Variants in C6orf118 observed in about 807,000 individuals in gnomAD.
C6orf118 encodes uncharacterized protein C6orf118.
C6orf118 carries 50 observed loss-of-function variants against 50.2 expected under a neutral mutation model. The ratio of observed to expected loss-of-function variants is 1.00; its 90% CI spans 0.79 to 1.26. C6orf118 has a LOEUF of 1.26. Among genes scored for constraint, C6orf118 ranks in the 50% most tolerant of loss-of-function variants. C6orf118 has a pLI of 0.00. For synonymous variants in C6orf118, 239 were observed against 230.9 expected (o/e 1.03, Z -0.32); for missense variants, 641 against 578.7 (o/e 1.11, Z -1.10).
At chr6:165,290,741 A>G (rs1780078875) in intron 6 of C6orf118, among the ~76,000 whole-genome samples, 2 of 152,212 alleles carry the variant, frequency 1.3e-5, no homozygotes, top group African/African-American at 4.8e-5. Context: ...GCACAAGACT[A>G]GAATCAGAAA....
At position 165,302,229 on chromosome 6, in the gene C6orf118, C is replaced by G; in HGVS notation, c.93G>C (p.Glu31Asp). The change falls in exon 2 of 9, where the codon GAG (glutamate) becomes GAC (aspartate). Residue 31 changes from glutamate to aspartate, a missense_variant. Physicochemically the swap from Glu to Asp is conservative, Grantham distance 45. Coordinates refer to ENST00000230301, the MANE Select transcript of C6orf118 (RefSeq NM_144980.4). ...TACACAGGGTCTTCACTCCTGGCGT[C>G]TCGCAGTGCTTCAGATTACACAGGG... ...VKTLCNLKHC[E>D]TPGVKTLCNL... 3.1e-6 allele frequency: 5 copies of G among 1,613,954 alleles called. No homozygotes were observed. Among genetic ancestry groups the G allele is most frequent in the Non-Finnish European group, 4.2e-6 (5 of 1,179,914 alleles).
intron 3 of C6orf118, 148 bp downstream of exon 3, chr6:165,300,216 G>C (rs550959365): frequency 2.4e-6 from 2 of 833,002 alleles, no homozygotes; most frequent in East Asian, 5.4e-5. Context: ...GCAGGCAGAT[G>C]ACCTCGAGTC....
intron 7 of C6orf118, among the ~76,000 whole-genome samples, chr6:165,289,567 C>T (rs1682545760): frequency 6.6e-6 from 1 of 152,132 alleles, no homozygotes; most frequent in Admixed American, 6.6e-5. Context: ...TATTTCATCC[C>T]TCATCCCCCT....
At position 165,301,742 on chromosome 6, in the gene C6orf118, C is replaced by T; in HGVS notation, c.580G>A (p.Gly194Ser). The change falls in exon 2 of 9, where the codon GGC (glycine) becomes AGC (serine). Residue 194 changes from glycine (G) to serine (S), a missense_variant. Physicochemically the swap from Gly to Ser is moderately conservative, Grantham distance 56 (BLOSUM62 0). Transcript: ENST00000230301. ...VLCYQEAGSRGTRDRHHYVSS... is the reference protein window; with the variant it reads ...VLCYQEAGSRSTRDRHHYVSS... ...ACATAGTGGTGCCGGTCCCTGGTGC[C>T]TCTGGACCCGGCCTCCTGGTAGCAC... 2 of 1,614,166 alleles carry T rather than the reference C, an allele frequency of 1.2e-6. No homozygotes were observed. Among genetic ancestry groups the T allele is most frequent in the Non-Finnish European group, 1.7e-6 (2 of 1,180,028 alleles).
chr6:165,279,961 A>G lies in C6orf118; in HGVS notation c.*96T>C. 1.6e-6 allele frequency: 2 copies of G among 1,230,348 alleles called. No homozygotes were observed. The highest frequency in any genetic ancestry group is 2.0e-4 in the Middle Eastern group (1 of 5,026). The allele number at this position is 1,230,348 out of a possible 1,614,324, so 76.2% of individuals were successfully genotyped here. ...TAGAGATTAAAGCTGATGAAATGAAATGTATCTTTATGAATGTATATGCAT... is the reference window on the plus strand; with the variant it reads ...TAGAGATTAAAGCTGATGAAATGAAGTGTATCTTTATGAATGTATATGCAT... On this transcript the variant is annotated 3_prime_UTR_variant, in exon 9 of 9. Transcript: ENST00000230301.
At chr6:165,285,672 G>A (rs1265529980) in intron 7 of C6orf118, among the ~76,000 whole-genome samples, 7 of 152,070 alleles carry the variant, frequency 4.6e-5, no homozygotes, top group Non-Finnish European at 4.4e-5. Context: ...ACCTGCTCCT[G>A]AATGACTCCT....
At position 165,279,919 on chromosome 6, in the gene C6orf118, T is replaced by C. The variant is rs1779671219; in HGVS notation, c.*138A>G. The C allele has an allele frequency of 1.2e-6, 1 of 825,558 alleles. No homozygotes were observed. Among genetic ancestry groups the C allele is most frequent in the Non-Finnish European group, 1.8e-6 (1 of 543,090 alleles). The allele number at this position is 825,558 out of a possible 1,614,324, so 51.1% of individuals were successfully genotyped here. A position where few individuals can be genotyped will look rare whatever the true frequency, so the allele number is the denominator to read the frequency against. On this transcript the variant is annotated 3_prime_UTR_variant, in exon 9 of 9. Transcript: ENST00000230301. The stretch of plus-strand genomic sequence containing the variant: ...TTCAGTATCCTGAGTAGGATACATA[T>C]ACCACATTAATTTTACTAGAGATTA...
chr6:165,301,038 C>G (rs930117608), intron 2 of C6orf118, among the ~76,000 whole-genome samples: 4 of 152,136 alleles, frequency 2.6e-5, no homozygotes, highest in Admixed American at 2.6e-4. Flanking sequence ...TGCTGACCTA[C>G]GAACATCTGA....
At chr6:165,285,896 C>A (rs186603331) in intron 7 of C6orf118, among the ~76,000 whole-genome samples, 302 of 151,076 alleles carry the variant, frequency 2.0e-3, no homozygotes, top group African/African-American at 7.1e-3. Flanking sequence ...AACCCCAAAG[C>A]AAGGAGAAGA....
intron 6 of C6orf118, among the ~76,000 whole-genome samples, chr6:165,290,685 T>C (rs1186632439): frequency 6.6e-6 from 1 of 152,144 alleles, no homozygotes; most frequent in Non-Finnish European, 1.5e-5. Flanking sequence ...AATCAGACAA[T>C]GATCACTGTC....
In C6orf118 at chr6:165,279,757, T is replaced by A. The variant is rs190851442; in HGVS notation, c.*300A>T. 17 of 267,092 alleles carry A rather than the reference T, an allele frequency of 6.4e-5. No individual in the cohort carries two copies. The highest frequency in any genetic ancestry group is 2.2e-4 in the African/African-American group (10 of 45,552). The allele number at this position is 267,092 out of a possible 1,614,324, so 16.5% of individuals were successfully genotyped here. A position where few individuals can be genotyped will look rare whatever the true frequency, so the allele number is the denominator to read the frequency against. On this transcript the variant is annotated 3_prime_UTR_variant, in exon 9 of 9. Transcript: ENST00000230301. Reference sequence around the variant, plus strand: ...GAGCTGTATTCAAGCAGCGCTGAATTCCTTATTCTTAGCAAATAATCAAAA... The same window carrying A: ...GAGCTGTATTCAAGCAGCGCTGAATACCTTATTCTTAGCAAATAATCAAAA...
rs182481246 is a variant in C6orf118, at chr6:165,279,826, C to A, written c.*231G>T. The A allele has an allele frequency of 5.0e-6, 2 of 396,914 alleles. No homozygotes were observed. Among genetic ancestry groups the A allele is most frequent in the Non-Finnish European group, 8.8e-6 (2 of 226,372 alleles). 24.6% of individuals were successfully genotyped at this position (396,914 alleles called of 1,614,324 possible). On this transcript the variant is annotated 3_prime_UTR_variant, in exon 9 of 9. Coordinates refer to ENST00000230301, the MANE Select transcript of C6orf118 (RefSeq NM_144980.4). ...CATTATTAAATGAAAGTAAAACATA[C>A]GTTAAGAACTAGTATTGTTGTAAAT...
intron 7 of C6orf118, among the ~76,000 whole-genome samples, chr6:165,282,567 GC>G (rs1779763154): frequency 6.6e-6 from 1 of 151,290 alleles, no homozygotes; most frequent in African/African-American, 2.4e-5. Context: ...TGTTAGGGTT[GC>G]TGCAAATTAA....
chr6:165,301,110 T>G (rs1780512339), intron 2 of C6orf118, among the ~76,000 whole-genome samples: 1 of 151,956 alleles, frequency 6.6e-6, no homozygotes, highest in African/African-American at 2.4e-5. Context: ...AGCTGACCAG[T>G]TCCCAGAAGG....
rs535949706 is a variant in C6orf118 at position 165,288,279 on chromosome 6, C to T, written c.1302+1607G>A. On this transcript the variant is annotated intron_variant, in intron 7 of 8. Transcript: ENST00000230301. ...TGGCAATTGTTAAAAAGTCAAGATA[C>T]AACAGATGCTGGCAAAGTTGTGGAG... Among the ~76,000 whole-genome samples the T allele has an allele frequency of 7.2e-5, 11 of 152,240 alleles. No individual in the cohort carries two copies. The East Asian group carries it at 2.1e-3, about 29-fold the overall frequency.
Position 165,302,284 on chromosome 6 carries a change from C to T in C6orf118, c.38G>A (p.Trp13Ter), listed in dbSNP as rs1476979917. Reference protein sequence around the residue: ...EEREPELYLKWKHCETPGVKT... With the variant: ...EEREPELYLK ...CACGCCTGGCGTCTCGCAGTGCTTC[C>T]ACTTCAGGTACACTGGTCAGAAAAG... Residue 13 changes from tryptophan (W) to a stop codon, truncating the protein, a stop_gained, in exon 2 of 9, where the codon TGG becomes TAG. Coordinates refer to ENST00000230301, the MANE Select transcript of C6orf118 (RefSeq NM_144980.4). LOFTEE classifies it high-confidence loss of function. 3 of 1,611,030 alleles carry T rather than the reference C, an allele frequency of 1.9e-6. No homozygotes were observed. Among genetic ancestry groups the T allele is most frequent in the Non-Finnish European group, 2.5e-6 (3 of 1,179,706 alleles).
intron 4 of C6orf118, 66 bp downstream of exon 4, chr6:165,299,377 C>G (rs78602123): frequency 7.6e-6 from 11 of 1,448,706 alleles, no homozygotes; most frequent in Non-Finnish European, 1.1e-5. Flanking sequence ...AAGGTTTCCA[C>G]TGCTCATGAA....
At chr6:165,303,338 T>G (rs1441487154) in intron 1 of C6orf118, among the ~76,000 whole-genome samples, 1 of 151,732 alleles carries the variant, frequency 6.6e-6, no homozygotes, top group Non-Finnish European at 1.5e-5. Flanking sequence ...GAGGGAAATT[T>G]ATAGCACTAA....
chr6:165,296,250 G>GTTTT (rs56394079), intron 5 of C6orf118, among the ~76,000 whole-genome samples: 1 of 103,364 alleles, frequency 9.7e-6, no homozygotes, highest in African/African-American at 3.2e-5. Context: ...TTCGTTTTTT[G>GTTTT]TTTTTTTTTT....
Sources: allele counts gnomAD v4.1 joint callset (sites outside exome capture counted in the v4.1 genomes callset), GRCh38; gene constraint gnomAD v4.1.1; transcripts MANE v1.5; gene names NCBI Gene and HGNC (gene_info 2026-07-23, HGNC 2026-07-21).